ATRN: variants seen among roughly 807,000 people sequenced by gnomAD.
ATRN encodes the protein attractin.
Under a neutral mutation model 178.7 loss-of-function variants are expected in ATRN, and 54 were observed. That is an observed-to-expected ratio of 0.30 (90% CI 0.24 to 0.38). The LOEUF is 0.38. Among genes scored for constraint, ATRN ranks in the 10% least tolerant of loss-of-function variants. The pLI is 1.00. For synonymous variants in ATRN, 636 were observed against 663.0 expected, an observed-to-expected ratio of 0.96 and a Z score of 0.63; for missense variants, 1,443 against 1,815.1, an observed-to-expected ratio of 0.79 and a Z score of 3.73.
At chr20:3,480,668 A>T (rs1016934403) in intron 1 of ATRN, among the ~76,000 whole-genome samples, 1 of 152,162 alleles carries the variant, frequency 6.6e-6, no homozygotes, top group East Asian at 1.9e-4. Flanking sequence ...ACAAATTACC[A>T]TAGACTTTAC....
chr20:3,513,325 A>G (rs1304557003), intron 1 of ATRN, among the ~76,000 whole-genome samples: 1 of 152,194 alleles, frequency 6.6e-6, no homozygotes, highest in Non-Finnish European at 1.5e-5. Flanking sequence ...CTTTCTACAT[A>G]TGGCTAGCCA....
chr20:3,481,249 C>G (rs78959401), intron 1 of ATRN, among the ~76,000 whole-genome samples: 3 of 152,220 alleles, frequency 2.0e-5, no homozygotes, highest in Non-Finnish European at 2.9e-5. Context: ...TGTCATATCT[C>G]TTTAACTGCT....
chr20:3,507,992 C>T (rs570268357), intron 1 of ATRN, among the ~76,000 whole-genome samples: 136 of 151,930 alleles, frequency 9.0e-4, no homozygotes, highest in African/African-American at 2.9e-3. Flanking sequence ...CATGAGCCAC[C>T]GCGCCTGGTG....
At chr20:3,572,038 CTTGATACCAT>C (rs1459036226) in intron 11 of ATRN, among the ~76,000 whole-genome samples, 1 of 152,040 alleles carries the variant, frequency 6.6e-6, no homozygotes, top group East Asian at 1.9e-4. Flanking sequence ...GTTTAGTTAT[CTTGATACCAT>C]TTACTAAAAA....
intron 25 of ATRN, among the ~76,000 whole-genome samples, chr20:3,633,429 A>G (rs1414691493): frequency 6.6e-6 from 1 of 152,204 alleles, no homozygotes; most frequent in Non-Finnish European, 1.5e-5. Flanking sequence ...CTGAGGTGCC[A>G]TTCATGAAGC....
intron 1 of ATRN, among the ~76,000 whole-genome samples, chr20:3,510,205 G>A (rs1350582544): frequency 6.6e-6 from 1 of 152,170 alleles, no homozygotes; most frequent in Non-Finnish European, 1.5e-5. Context: ...TCAACGTGCA[G>A]TACAGGATCC....
intron 18 of ATRN, among the ~76,000 whole-genome samples, chr20:3,590,542 T>C (rs2086426850): frequency 6.6e-6 from 1 of 152,202 alleles, no homozygotes; most frequent in Admixed American, 6.5e-5. Flanking sequence ...TTAGGAGTCT[T>C]AGTAATCCCA....
Position 3,604,270 on chromosome 20 carries a change from G to A in ATRN, c.3801+8G>A. ...TGGCCCATCAAAATTCAGGTAAGAA[G>A]AGGCTTTTGGTCTCATACCTGCAAA... is the stretch of plus-strand genomic sequence containing the variant. On this transcript the variant is annotated splice_region_variant and intron_variant, in intron 24 of 28. Coordinates refer to ENST00000262919, the MANE Select transcript of ATRN (RefSeq NM_139321.3). 4 of 1,589,424 alleles carry A rather than the reference G, an allele frequency of 2.5e-6. 1 individual carries two copies. In the South Asian group the frequency reaches 3.5e-5, roughly 14 times the overall value.
At chr20:3,487,649 A>G (rs1256840262) in intron 1 of ATRN, among the ~76,000 whole-genome samples, 3 of 152,192 alleles carry the variant, frequency 2.0e-5, no homozygotes, top group South Asian at 2.1e-4. Flanking sequence ...ATCAATGGAC[A>G]TATGTCTCTA....
chr20:3,569,066 C>T (rs76375170), intron 11 of ATRN, among the ~76,000 whole-genome samples: 5,805 of 152,266 alleles, frequency 0.038, 146 homozygotes, highest in Non-Finnish European at 0.056. Flanking sequence ...ATTCTTTGCA[C>T]ACACATGCTG....
chr20:3,575,013 A>G (rs2086185666), intron 12 of ATRN, among the ~76,000 whole-genome samples: 1 of 150,814 alleles, frequency 6.6e-6, no homozygotes, highest in African/African-American at 2.4e-5. Context: ...GCTGGAGTGC[A>G]GTGGCGCAAT....
chr20:3,636,743 A>G (rs994233767), intron 26 of ATRN, among the ~76,000 whole-genome samples: 1 of 152,218 alleles, frequency 6.6e-6, no homozygotes, highest in Admixed American at 6.5e-5. Context: ...CTTACACCAC[A>G]TAGTTAACTA....
intron 18 of ATRN, among the ~76,000 whole-genome samples, chr20:3,589,131 C>T (rs942893419): frequency 1.6e-4 from 25 of 151,686 alleles, no homozygotes; most frequent in African/African-American, 3.9e-4. Context: ...TACAGGCGCA[C>T]GCCACCACTC....
At chr20:3,547,823 C>A (rs943845552) in intron 5 of ATRN, among the ~76,000 whole-genome samples, 11 of 152,102 alleles carry the variant, frequency 7.2e-5, no homozygotes, top group Non-Finnish European at 1.5e-5. Context: ...CTCAGAAACA[C>A]ACTCTAAGTT....
intron 1 of ATRN, among the ~76,000 whole-genome samples, chr20:3,484,599 C>G (rs1046361118): frequency 2.0e-4 from 31 of 152,200 alleles, no homozygotes; most frequent in Non-Finnish European, 1.3e-4. Flanking sequence ...TCAGACTTGT[C>G]TTGATTGTTC....
intron 2 of ATRN, among the ~76,000 whole-genome samples, chr20:3,537,085 C>T (rs1000648232): frequency 2.6e-5 from 4 of 152,144 alleles, no homozygotes; most frequent in African/African-American, 9.7e-5. Flanking sequence ...GCAGATCTTC[C>T]ATATGTTGAT....
intron 1 of ATRN, among the ~76,000 whole-genome samples, chr20:3,505,611 C>T (rs1282014127): frequency 6.6e-6 from 1 of 152,206 alleles, no homozygotes; most frequent in Admixed American, 6.5e-5. Context: ...AGACCGAGGA[C>T]TTAAGCCTTA....
intron 26 of ATRN, among the ~76,000 whole-genome samples, chr20:3,635,387 AAAT>A (rs1162514719): frequency 6.6e-6 from 1 of 151,806 alleles, no homozygotes; most frequent in Admixed American, 6.6e-5. Context: ...ATAAATAAAT[AAAT>A]AAATATTTTA....
intron 1 of ATRN, among the ~76,000 whole-genome samples, chr20:3,512,611 G>A (rs1011188687): frequency 1.8e-4 from 28 of 151,996 alleles, no homozygotes; most frequent in African/African-American, 6.8e-4. Flanking sequence ...ATATTCCTTT[G>A]GGTATATACC....
Sources: gnomAD v4.1 joint callset for allele counts (sites outside exome capture counted in the v4.1 genomes callset) on GRCh38, gnomAD v4.1.1 for gene constraint, MANE v1.5 for transcripts, NCBI Gene and HGNC (gene_info 2026-07-23, HGNC 2026-07-21) for gene names.